HYCC2: variants seen among roughly 807,000 people sequenced by gnomAD.
HYCC2 encodes hyccin PI4KA lipid kinase complex subunit 2.
chr2:201,064,675 G>A, the HYCC2 span, among the ~76,000 whole-genome samples: 1 of 152,020 alleles, frequency 6.6e-6, no homozygotes. Context: ...ATTGAATAAT[G>A]GTACCAGATA....
the HYCC2 span, among the ~76,000 whole-genome samples, chr2:201,038,173 C>T: frequency 2.0e-5 from 3 of 152,096 alleles, no homozygotes; most frequent in Non-Finnish European, 4.4e-5. Flanking sequence ...CAGAGTAATG[C>T]AAATCAAAAC....
the HYCC2 span, among the ~76,000 whole-genome samples, chr2:201,024,352 G>A: frequency 1.3e-5 from 2 of 151,918 alleles, no homozygotes; most frequent in African/African-American, 4.8e-5. Flanking sequence ...AGCTGGGCAT[G>A]GTGGCGTGCA....
At chr2:201,068,185 G>C in the HYCC2 span, among the ~76,000 whole-genome samples, 1 of 152,092 alleles carries the variant, frequency 6.6e-6, no homozygotes, top group African/African-American at 2.4e-5. Context: ...TACTCCGGAG[G>C]CTGGGGCAGG....
At chr2:201,038,571 G>T in the HYCC2 span, among the ~76,000 whole-genome samples, 2 of 152,074 alleles carry the variant, frequency 1.3e-5, no homozygotes, top group East Asian at 1.9e-4. Flanking sequence ...CCATAAAAAA[G>T]GATGAGTTCA....
At chr2:200,993,604 C>A in the HYCC2 span, among the ~76,000 whole-genome samples, 5 of 151,892 alleles carry the variant, frequency 3.3e-5, no homozygotes, top group African/African-American at 4.8e-5. Context: ...GTGTTTAGTG[C>A]CTTATGGTCT....
the HYCC2 span, among the ~76,000 whole-genome samples, chr2:201,028,881 T>TA: frequency 6.6e-6 from 1 of 152,088 alleles, no homozygotes; most frequent in African/African-American, 2.4e-5. Context: ...ACCTAGGCAA[T>TA]ACCATTCAGG....
At chr2:201,017,060 C>A in the HYCC2 span, 1 of 1,614,068 alleles carries the variant, frequency 6.2e-7, no homozygotes, top group East Asian at 2.2e-5. Flanking sequence ...TAACTGTAAG[C>A]CGTAAATAAA....
chr2:201,013,054 C>A, the HYCC2 span, among the ~76,000 whole-genome samples: 2 of 152,076 alleles, frequency 1.3e-5, no homozygotes, highest in Non-Finnish European at 2.9e-5. Flanking sequence ...TTATTTTTGT[C>A]TATTTCCCTT....
the HYCC2 span, among the ~76,000 whole-genome samples, chr2:201,038,711 A>C: frequency 4.6e-5 from 7 of 151,896 alleles, no homozygotes; most frequent in Non-Finnish European, 1.0e-4. Flanking sequence ...ACATCGACAC[A>C]GGAAGGGGAA....
At chr2:200,997,394 AT>A in the HYCC2 span, 20 of 1,300,130 alleles carry the variant, frequency 1.5e-5, no homozygotes, top group Non-Finnish European at 2.2e-6. Context: ...AATGTGCTCA[AT>A]AAATATCTAT....
the HYCC2 span, among the ~76,000 whole-genome samples, chr2:200,999,335 A>T: frequency 6.6e-6 from 1 of 152,094 alleles, no homozygotes; most frequent in Non-Finnish European, 1.5e-5. Context: ...TACTAGCTCA[A>T]ATCAGCCATA....
At chr2:201,049,546 GGTT>G in the HYCC2 span, among the ~76,000 whole-genome samples, 1 of 151,560 alleles carries the variant, frequency 6.6e-6, no homozygotes. Context: ...GTAGAGACGG[GGTT>G]TCACCACGTT....
At chr2:201,064,091 G>A in the HYCC2 span, 1 of 1,507,578 alleles carries the variant, frequency 6.6e-7, no homozygotes. Context: ...AGCCAGAGAA[G>A]TGACAGGGAA....
At chr2:201,042,632 G>T in the HYCC2 span, among the ~76,000 whole-genome samples, 1 of 149,972 alleles carries the variant, frequency 6.7e-6, no homozygotes, top group Non-Finnish European at 1.5e-5. Flanking sequence ...GAGCCCCTCC[G>T]CCTGGCAGCC....
the HYCC2 span, among the ~76,000 whole-genome samples, chr2:201,065,541 G>A: frequency 6.6e-6 from 1 of 152,230 alleles, no homozygotes; most frequent in Admixed American, 6.5e-5. Context: ...TTCTAATCTA[G>A]ATAGTTGCCT....
the HYCC2 span, among the ~76,000 whole-genome samples, chr2:201,048,506 A>ATTT: frequency 0.026 from 3,660 of 141,764 alleles, 186 homozygotes; most frequent in African/African-American, 0.092. Flanking sequence ...TTTTTTTGCA[A>ATTT]TTTTTTTTTT....
the HYCC2 span, among the ~76,000 whole-genome samples, chr2:201,030,870 C>T: frequency 5.9e-5 from 9 of 152,036 alleles, no homozygotes; most frequent in South Asian, 4.1e-4. Context: ...TGAGCCACTG[C>T]GCCCAGCTTA....
the HYCC2 span, among the ~76,000 whole-genome samples, chr2:201,055,396 A>C: frequency 5.9e-5 from 9 of 151,994 alleles, no homozygotes; most frequent in Non-Finnish European, 8.8e-5. Context: ...AAAAAAAAAA[A>C]AAACAAACAC....
the HYCC2 span, among the ~76,000 whole-genome samples, chr2:201,010,640 A>G: frequency 4.6e-5 from 7 of 152,206 alleles, no homozygotes; most frequent in Non-Finnish European, 8.8e-5. Flanking sequence ...CTGAAATACA[A>G]CAATTAGAGT....
Sources: allele counts gnomAD v4.1 joint callset (sites outside exome capture counted in the v4.1 genomes callset), GRCh38; gene constraint gnomAD v4.1.1; transcripts MANE v1.5; gene names NCBI Gene and HGNC (gene_info 2026-07-23, HGNC 2026-07-21).